NKAIN3: variants seen among roughly 807,000 people sequenced by gnomAD.
NKAIN3 encodes the protein sodium/potassium-transporting ATPase subunit beta-1-interacting protein 3.
NKAIN3 carries 25 observed loss-of-function variants against 30.2 expected under a neutral mutation model. The ratio of observed to expected loss-of-function variants is 0.83; its 90% CI spans 0.60 to 1.16. The LOEUF (loss-of-function observed/expected upper bound fraction) is 1.16. Among genes scored for constraint, NKAIN3 ranks in the 50% most tolerant of loss-of-function variants. The pLI, the probability that NKAIN3 is intolerant of heterozygous loss-of-function variation, is 0.00. For synonymous variants in NKAIN3, 91 were observed against 89.6 expected (o/e 1.02, Z -0.09); for missense variants, 225 against 254.1 (o/e 0.89, Z 0.78).
chr8:62,592,256 A>T (rs1218683982), intron 3 of NKAIN3, among the ~76,000 whole-genome samples: 1 of 152,028 alleles, frequency 6.6e-6, no homozygotes, highest in African/African-American at 2.4e-5. Context: ...AAAGATAGTG[A>T]GCTGTCTCAT....
At chr8:62,541,673 T>G (rs1808844959) in intron 1 of NKAIN3, among the ~76,000 whole-genome samples, 1 of 152,138 alleles carries the variant, frequency 6.6e-6, no homozygotes, top group Non-Finnish European at 1.5e-5. Context: ...CTTTTAATTC[T>G]ATTTTCTCAA....
chr8:62,721,755 A>T (rs1253380362), intron 3 of NKAIN3, among the ~76,000 whole-genome samples: 1 of 152,226 alleles, frequency 6.6e-6, no homozygotes, highest in Non-Finnish European at 1.5e-5. Flanking sequence ...TACATTCATA[A>T]GGAGGAAACC....
intron 4 of NKAIN3, chr8:62,863,590 GC>G (rs1373944378): frequency 8.6e-7 from 1 of 1,163,964 alleles, no homozygotes; most frequent in African/African-American, 1.5e-5. Context: ...TCCCATTCAT[GC>G]CTGAAATCTT....
chr8:62,493,150 G>A (rs1434434050), intron 1 of NKAIN3, among the ~76,000 whole-genome samples: 1 of 152,066 alleles, frequency 6.6e-6, no homozygotes, highest in Non-Finnish European at 1.5e-5. Context: ...GTATTGCCTA[G>A]GTTATCTTCC....
In NKAIN3 at chr8:62,722,583, A is replaced by T. The variant is rs1012028720; in HGVS notation, c.274-24349A>T. Among the ~76,000 whole-genome samples the T allele has an allele frequency of 2.6e-5, 4 of 152,166 alleles. No homozygotes were observed. In the East Asian group the frequency reaches 7.7e-4, roughly 29 times the overall value. ...CATACAGCTAATGTTGGCATGAAGA[A>T]TCTGCAAGATTGGTATGATTACTTA... On this transcript the variant is annotated intron_variant, in intron 3 of 6. Coordinates refer to ENST00000623646, the MANE Select transcript of NKAIN3 (RefSeq NM_001304533.3).
chr8:62,796,712 G>A (rs1817872244), intron 4 of NKAIN3, among the ~76,000 whole-genome samples: 1 of 151,446 alleles, frequency 6.6e-6, no homozygotes, highest in Non-Finnish European at 1.5e-5. Context: ...AGGATAGTAA[G>A]CACTGTGTAA....
intron 3 of NKAIN3, among the ~76,000 whole-genome samples, chr8:62,634,179 T>A (rs939596621): frequency 6.6e-6 from 1 of 152,074 alleles, no homozygotes; most frequent in Non-Finnish European, 1.5e-5. Context: ...AGGTTTTTTT[T>A]TTCCTCAGGA....
At chr8:62,760,589 A>T (rs1816622021) in intron 4 of NKAIN3, among the ~76,000 whole-genome samples, 1 of 143,360 alleles carries the variant, frequency 7.0e-6, no homozygotes. Flanking sequence ...GAACACATGG[A>T]CACAGGAAGG....
At chr8:62,346,109 C>T (rs1027900627) in intron 1 of NKAIN3, among the ~76,000 whole-genome samples, 1 of 151,850 alleles carries the variant, frequency 6.6e-6, no homozygotes, top group African/African-American at 2.4e-5. Context: ...TTAGTAAACA[C>T]GTGAAACGTT....
intron 1 of NKAIN3, among the ~76,000 whole-genome samples, chr8:62,283,788 C>T (rs1300069438): frequency 1.3e-5 from 2 of 151,900 alleles, no homozygotes; most frequent in Non-Finnish European, 2.9e-5. Context: ...GTCCCAAAAG[C>T]CATTTTAGGT....
At chr8:62,519,452 T>A (rs1808089049) in intron 1 of NKAIN3, among the ~76,000 whole-genome samples, 1 of 152,178 alleles carries the variant, frequency 6.6e-6, no homozygotes, top group South Asian at 2.1e-4. Flanking sequence ...TCAGAATCTA[T>A]GATCATATAC....
intron 6 of NKAIN3, among the ~76,000 whole-genome samples, chr8:62,964,566 G>T (rs1823653204): frequency 6.7e-6 from 1 of 149,296 alleles, no homozygotes; most frequent in Non-Finnish European, 1.5e-5. Context: ...GTGTGTGTGT[G>T]TGTGTGTGTG....
chr8:62,547,731 G>C (rs1275449083), intron 1 of NKAIN3, among the ~76,000 whole-genome samples: 3 of 152,166 alleles, frequency 2.0e-5, no homozygotes, highest in Non-Finnish European at 1.5e-5. Context: ...GGGGTCAGCT[G>C]TTACTGGGCT....
chr8:62,505,011 T>A (rs1280735339), intron 1 of NKAIN3, among the ~76,000 whole-genome samples: 1 of 152,202 alleles, frequency 6.6e-6, no homozygotes, highest in East Asian at 1.9e-4. Context: ...CTGCATTTAT[T>A]GTAGTTAATA....
intron 4 of NKAIN3, among the ~76,000 whole-genome samples, chr8:62,913,678 A>G (rs1563625021): frequency 1.3e-5 from 2 of 152,224 alleles, no homozygotes; most frequent in Admixed American, 6.5e-5. Flanking sequence ...TGCATTAAAG[A>G]TAAAACTAAT....
At position 62,365,794 on chromosome 8, in the gene NKAIN3, G is replaced by A. The variant is rs1174338633; in HGVS notation, c.54+116667G>A. Among the ~76,000 whole-genome samples the A allele has an allele frequency of 2.6e-5, 4 of 151,716 alleles. No homozygotes were observed. In the East Asian group the frequency reaches 7.7e-4, roughly 29 times the overall value. Reference sequence around the variant, plus strand: ...TATAAAATTTTTTTTTTAATCTTTTGAGTGTGAAGTGATATCCAGTTGTTG... The same window carrying A: ...TATAAAATTTTTTTTTTAATCTTTTAAGTGTGAAGTGATATCCAGTTGTTG... On this transcript the variant is annotated intron_variant, in intron 1 of 6. Transcript: ENST00000623646.
chr8:62,402,100 T>G (rs1803895525), intron 1 of NKAIN3, among the ~76,000 whole-genome samples: 1 of 152,204 alleles, frequency 6.6e-6, no homozygotes. Context: ...GGTGCTCTTT[T>G]TTTATTGTGG....
At chr8:62,508,160 G>T (rs549430190) in intron 1 of NKAIN3, among the ~76,000 whole-genome samples, 1 of 152,248 alleles carries the variant, frequency 6.6e-6, no homozygotes, top group African/African-American at 2.4e-5. Context: ...TGAAAACCTG[G>T]GAAGAATCTG....
chr8:62,976,202 G>T lies in NKAIN3; in HGVS notation c.*10795G>T, dbSNP rs1386594969. ...AGTTCTGTAGATATCTATTAGGTCT[G>T]CTTGGTCAAGAGGTGAGTTCAAGTC... On this transcript the variant is annotated 3_prime_UTR_variant, in exon 7 of 7. Transcript: ENST00000623646. 6.6e-6 allele frequency among the ~76,000 whole-genome samples: 1 copy of T among 151,864 alleles called. No homozygotes were observed. Among genetic ancestry groups the T allele is most frequent in the African/African-American group, 2.4e-5 (1 of 41,348 alleles).
Sources: gnomAD v4.1 joint callset for allele counts (sites outside exome capture counted in the v4.1 genomes callset) on GRCh38, gnomAD v4.1.1 for gene constraint, MANE v1.5 for transcripts, NCBI Gene and HGNC (gene_info 2026-07-23, HGNC 2026-07-21) for gene names.